Variants in SEMA3D observed in about 807,000 individuals in gnomAD.
The protein encoded by SEMA3D is semaphorin 3D.
SEMA3D carries 84 observed loss-of-function variants against 100.1 expected under a neutral mutation model. That is an observed-to-expected ratio of 0.84 (90% CI 0.70 to 1.01). The LOEUF (loss-of-function observed/expected upper bound fraction) is 1.01, where lower values mean the gene tolerates loss of function less well. Ranked by LOEUF, SEMA3D falls within the 50% of genes least tolerant of loss-of-function variation. The probability of loss-of-function intolerance (pLI) is 0.00; values close to 1 mark genes in which losing one functional copy is unlikely to be tolerated. For missense variants in SEMA3D, 875 were observed against 934.1 expected, an observed-to-expected ratio of 0.94 and a Z score of 0.82; for synonymous variants, 312 against 320.7, an observed-to-expected ratio of 0.97 and a Z score of 0.29.
At chr7:85,163,487 G>C (rs959750543) in intron 1 of SEMA3D, among the ~76,000 whole-genome samples, 1 of 151,884 alleles carries the variant, frequency 6.6e-6, no homozygotes, top group African/African-American at 2.4e-5. Context: ...AAAATGATCA[G>C]CATGATGGAA....
chr7:85,157,764 A>G, intron 1 of SEMA3D: 1 of 304,026 alleles, frequency 3.3e-6, no homozygotes. Context: ...TTTTCACTTC[A>G]GTCGCCCAAA....
intron 9 of SEMA3D, among the ~76,000 whole-genome samples, chr7:85,046,599 T>C (rs1791014486): frequency 6.6e-6 from 1 of 151,926 alleles, no homozygotes; most frequent in African/African-American, 2.4e-5. Context: ...ATTATAAGCA[T>C]TTAATGACTG....
chr7:85,068,101 A>T (rs985863063), intron 7 of SEMA3D, 90 bp downstream of exon 7: 5 of 760,212 alleles, frequency 6.6e-6, no homozygotes, highest in African/African-American at 5.3e-5. Context: ...GTAAAAAATT[A>T]CCTTTAACTC....
At position 85,119,871 on chromosome 7, in the gene SEMA3D, G is replaced by T. The variant is rs938130964; in HGVS notation, c.151+1870C>A. On this transcript the variant is annotated intron_variant, in intron 3 of 18. Coordinates refer to ENST00000284136, the MANE Select transcript of SEMA3D (RefSeq NM_001384900.1). ...ACTGCTATATCATTCAGCACTCCTT[G>T]ACCTCCAATATTTCAGCTCAATATC... Among the ~76,000 whole-genome samples, 3 of 151,900 alleles carry T rather than the reference G, an allele frequency of 2.0e-5. No homozygotes were observed. The East Asian group carries it at 5.8e-4, about 29-fold the overall frequency.
intron 1 of SEMA3D, among the ~76,000 whole-genome samples, chr7:85,186,051 G>A (rs1201812522): frequency 6.6e-6 from 1 of 152,168 alleles, no homozygotes; most frequent in Non-Finnish European, 1.5e-5. Context: ...CAGACGGAAC[G>A]TCGCGATTCC....
the SEMA3D span, among the ~76,000 whole-genome samples, chr7:85,241,590 G>A: frequency 1.3e-5 from 2 of 150,524 alleles, no homozygotes; most frequent in Non-Finnish European, 3.0e-5. Flanking sequence ...CAGGAATGGA[G>A]AATCAAACAT....
At chr7:85,234,726 G>A in the SEMA3D span, among the ~76,000 whole-genome samples, 7 of 152,154 alleles carry the variant, frequency 4.6e-5, no homozygotes, top group Non-Finnish European at 1.0e-4. Context: ...AAAATAACAG[G>A]TGTGTTAAAG....
rs1387064537 is a variant in SEMA3D at position 84,999,315 on chromosome 7, G to T, written c.*125C>A. The T allele has an allele frequency of 4.0e-6, 3 of 753,978 alleles. No individual in the cohort carries two copies. The highest frequency in any genetic ancestry group is 3.5e-5 in the African/African-American group (2 of 56,566). 46.7% of individuals were successfully genotyped at this position (753,978 alleles called of 1,614,324 possible). A position where few individuals can be genotyped will look rare whatever the true frequency, so the allele number is the denominator to read the frequency against. ...TATTCATCACATATTGTCTTATTCA[G>T]ATTATTGTCTTGTGCCTTAGCAAAA... On this transcript the variant is annotated 3_prime_UTR_variant, in exon 19 of 19. Coordinates refer to ENST00000284136, the MANE Select transcript of SEMA3D (RefSeq NM_001384900.1).
the SEMA3D span, among the ~76,000 whole-genome samples, chr7:85,249,562 T>C: frequency 7.7e-4 from 118 of 152,280 alleles, no homozygotes; most frequent in South Asian, 2.1e-3. Context: ...GAAACTACCT[T>C]ATCCCTTGAA....
upstream of SEMA3D, among the ~76,000 whole-genome samples, chr7:85,190,739 TAAAG>T (rs1170436667): frequency 2.0e-5 from 3 of 152,142 alleles, no homozygotes; most frequent in Non-Finnish European, 4.4e-5. Context: ...CATCATCAGA[TAAAG>T]ACAGAAAACA....
intron 9 of SEMA3D, among the ~76,000 whole-genome samples, chr7:85,051,455 C>T (rs1319415337): frequency 6.6e-6 from 1 of 151,948 alleles, no homozygotes; most frequent in Non-Finnish European, 1.5e-5. Context: ...TTTTCCCACT[C>T]AGCAATGACA....
At chr7:85,021,842 T>TA (rs1488821158) in intron 13 of SEMA3D, among the ~76,000 whole-genome samples, 3 of 151,850 alleles carry the variant, frequency 2.0e-5, no homozygotes, top group African/African-American at 7.2e-5. Context: ...ATTTTATAGT[T>TA]ACTGAGTTGA....
At chr7:85,023,682 A>G (rs763194899) in intron 12 of SEMA3D, among the ~76,000 whole-genome samples, 5 of 151,906 alleles carry the variant, frequency 3.3e-5, no homozygotes, top group Non-Finnish European at 7.4e-5. Context: ...ACAAGGCTCC[A>G]AAAACATAAT....
chr7:85,233,908 T>G, the SEMA3D span, among the ~76,000 whole-genome samples: 2 of 152,162 alleles, frequency 1.3e-5, no homozygotes, highest in Admixed American at 1.3e-4. Context: ...GAGCCTGAAC[T>G]GGGTCTAGAT....
At position 84,999,218 on chromosome 7, in the gene SEMA3D, A is replaced by G; in HGVS notation, c.*222T>C. 1.9e-6 allele frequency: 1 copy of G among 531,100 alleles called. No individual in the cohort carries two copies. The highest frequency in any genetic ancestry group is 3.0e-5 in the East Asian group (1 of 33,108). The allele number at this position is 531,100 out of a possible 1,614,324, so 32.9% of individuals were successfully genotyped here. Reference sequence around the variant, plus strand: ...ACTGTAAACCCCCTATTTTTAGGATAATTCTTATACTTTGCTTGTGCAAGA... The same window carrying G: ...ACTGTAAACCCCCTATTTTTAGGATGATTCTTATACTTTGCTTGTGCAAGA... On this transcript the variant is annotated 3_prime_UTR_variant, in exon 19 of 19. Transcript: ENST00000284136.
At chr7:85,000,937 C>T (rs1282744395) in intron 18 of SEMA3D, among the ~76,000 whole-genome samples, 1 of 152,142 alleles carries the variant, frequency 6.6e-6, no homozygotes, top group Non-Finnish European at 1.5e-5. Flanking sequence ...TACACATCTG[C>T]CCCTGTATTG....
chr7:85,187,115 G>T (rs1791580476), upstream of SEMA3D, among the ~76,000 whole-genome samples: 1 of 152,018 alleles, frequency 6.6e-6, no homozygotes, highest in African/African-American at 2.4e-5. Context: ...TCCTCCCCCA[G>T]CCCTCGCCCC....
At chr7:85,184,464 T>C (rs1457536924) in intron 1 of SEMA3D, among the ~76,000 whole-genome samples, 1 of 152,096 alleles carries the variant, frequency 6.6e-6, no homozygotes, top group Non-Finnish European at 1.5e-5. Flanking sequence ...AATGGGACAA[T>C]ACCCATTTAT....
chr7:85,011,198 C>G (rs1789942309), intron 17 of SEMA3D, among the ~76,000 whole-genome samples: 1 of 151,794 alleles, frequency 6.6e-6, no homozygotes, highest in African/African-American at 2.4e-5. Context: ...GCCACATGAA[C>G]TGGCTCTAGC....
Sources: gnomAD v4.1 joint callset for allele counts (sites outside exome capture counted in the v4.1 genomes callset) on GRCh38, gnomAD v4.1.1 for gene constraint, MANE v1.5 for transcripts, NCBI Gene and HGNC (gene_info 2026-07-23, HGNC 2026-07-21) for gene names.